SGMS1: variants seen among roughly 807,000 people sequenced by gnomAD.
The protein encoded by SGMS1 is sphingomyelin synthase 1, also known as phosphatidylcholine:ceramide cholinephosphotransferase 1.
SGMS1 carries 13 observed loss-of-function variants against 46.2 expected under a neutral mutation model. The ratio of observed to expected loss-of-function variants is 0.28; its 90% CI spans 0.18 to 0.45. SGMS1 has a LOEUF of 0.45. Ranked by LOEUF, SGMS1 falls within the 20% of genes least tolerant of loss-of-function variation. SGMS1 has a pLI of 1.00. For missense variants in SGMS1, 324 were observed against 519.9 expected, an observed-to-expected ratio of 0.62 and a Z score of 3.66; for synonymous variants, 203 against 187.8, an observed-to-expected ratio of 1.08 and a Z score of -0.66.
chr10:50,372,672 G>A (rs1848458274), intron 6 of SGMS1, among the ~76,000 whole-genome samples: 1 of 137,632 alleles, frequency 7.3e-6, no homozygotes. Flanking sequence ...CAGCCCGGGT[G>A]ACAGAGCAAG....
Position 50,450,036 on chromosome 10 carries a change from G to A in SGMS1, c.-313+10637C>T, listed in dbSNP as rs576188583. Among the ~76,000 whole-genome samples, 3 of 152,152 alleles carry A rather than the reference G, an allele frequency of 2.0e-5. No individual in the cohort carries two copies. The South Asian group carries it at 6.2e-4, about 32-fold the overall frequency. ...GACCTTAGAATATAAAAGGCACTTA[G>A]TTAATATTATCTTTAGAGAAAAGAC... On this transcript the variant is annotated intron_variant, in intron 5 of 10. Coordinates refer to ENST00000361781, the MANE Select transcript of SGMS1 (RefSeq NM_147156.4).
At chr10:50,423,924 T>C (rs1201540233) in intron 6 of SGMS1, among the ~76,000 whole-genome samples, 3 of 152,256 alleles carry the variant, frequency 2.0e-5, no homozygotes, top group African/African-American at 7.2e-5. Context: ...GAGTACCTAC[T>C]AATGACAGCA....
chr10:50,491,420 A>C (rs530987092), intron 3 of SGMS1, among the ~76,000 whole-genome samples: 9 of 152,308 alleles, frequency 5.9e-5, no homozygotes, highest in African/African-American at 2.2e-4. Context: ...TACTCAGCAC[A>C]TTCCTCATAT....
chr10:50,624,360 T>C (rs1838893504), upstream of SGMS1, among the ~76,000 whole-genome samples: 1 of 152,126 alleles, frequency 6.6e-6, no homozygotes, highest in Non-Finnish European at 1.5e-5. Flanking sequence ...TACTGGATTC[T>C]TTTTCCCACC....
Position 50,507,909 on chromosome 10 carries a change from C to G in SGMS1, c.-498+11922G>C, listed in dbSNP as rs1374359634. On this transcript the variant is annotated intron_variant, in intron 3 of 10. Transcript: ENST00000361781. ...AGAACTTATGTTCCAACCAGGGGTT[C>G]CAAGCCAGTGGCTCCTCTGGTTACA... Among the ~76,000 whole-genome samples, 4 of 152,198 alleles carry G rather than the reference C, an allele frequency of 2.6e-5. No homozygotes were observed. In the East Asian group the frequency reaches 7.7e-4, roughly 29 times the overall value.
At chr10:50,521,272 A>G (rs11006012) in intron 2 of SGMS1, among the ~76,000 whole-genome samples, 18,119 of 152,202 alleles carry the variant, frequency 0.12, 1,185 homozygotes, top group Middle Eastern at 0.21. Flanking sequence ...TTCACTTATT[A>G]TCAACATTTA....
intron 2 of SGMS1, among the ~76,000 whole-genome samples, chr10:50,587,572 C>T (rs563929575): frequency 6.6e-6 from 1 of 150,784 alleles, no homozygotes; most frequent in African/African-American, 2.4e-5. Context: ...TGCAGTGAGC[C>T]GAGATCGTGC....
intron 1 of SGMS1, among the ~76,000 whole-genome samples, chr10:50,617,334 T>C (rs773810430): frequency 3.9e-4 from 60 of 152,300 alleles, no homozygotes; most frequent in Non-Finnish European, 5.0e-4. Flanking sequence ...GGTACTATAC[T>C]GTATGGTCCA....
At chr10:50,314,151 G>A (rs1847302158) in intron 8 of SGMS1, among the ~76,000 whole-genome samples, 1 of 152,022 alleles carries the variant, frequency 6.6e-6, no homozygotes, top group South Asian at 2.1e-4. Context: ...TGACCACATA[G>A]AGGCATAAAT....
chr10:50,613,860 T>C (rs1225919358), intron 1 of SGMS1, among the ~76,000 whole-genome samples: 1 of 152,250 alleles, frequency 6.6e-6, no homozygotes, highest in Non-Finnish European at 1.5e-5. Context: ...CTATTCATAC[T>C]TCTTGAGAGC....
intron 7 of SGMS1, among the ~76,000 whole-genome samples, chr10:50,337,926 A>G (rs1226826092): frequency 1.3e-5 from 2 of 152,012 alleles, no homozygotes; most frequent in Non-Finnish European, 2.9e-5. Context: ...TGAAATACAG[A>G]ATGTTAGTAA....
chr10:50,422,171 C>G (rs554395792), intron 6 of SGMS1, among the ~76,000 whole-genome samples: 1 of 152,106 alleles, frequency 6.6e-6, no homozygotes, highest in Non-Finnish European at 1.5e-5. Flanking sequence ...GATCCCTGAC[C>G]TTTCACTCTC....
chr10:50,584,300 C>T (rs776498148), intron 2 of SGMS1, among the ~76,000 whole-genome samples: 1 of 152,032 alleles, frequency 6.6e-6, no homozygotes, highest in Non-Finnish European at 1.5e-5. Context: ...GAGTTCAAGA[C>T]CAGCCTGGCC....
intron 2 of SGMS1, among the ~76,000 whole-genome samples, chr10:50,586,260 T>C (rs1322427851): frequency 6.6e-6 from 1 of 152,210 alleles, no homozygotes; most frequent in Non-Finnish European, 1.5e-5. Flanking sequence ...GTTTGTTGGG[T>C]TGATATTTGG....
intron 3 of SGMS1, among the ~76,000 whole-genome samples, chr10:50,508,013 G>A (rs1279676185): frequency 1.3e-5 from 2 of 152,104 alleles, no homozygotes; most frequent in Non-Finnish European, 2.9e-5. Flanking sequence ...CAATTCATGG[G>A]ATCTGCTAAA....
intron 2 of SGMS1, among the ~76,000 whole-genome samples, chr10:50,538,178 G>T (rs1288227630): frequency 1.5e-5 from 2 of 135,062 alleles, no homozygotes; most frequent in African/African-American, 5.3e-5. Context: ...CTTATCAGGG[G>T]TGGGTGGGTG....
At chr10:50,624,969 G>A (rs976663060), upstream of SGMS1, 3 of 1,036,466 alleles carry the variant, frequency 2.9e-6, no homozygotes, top group African/African-American at 3.5e-5. Context: ...CCCGGCCATC[G>A]GGCCGCGGGC....
At chr10:50,616,838 A>G (rs1051650819) in intron 1 of SGMS1, among the ~76,000 whole-genome samples, 4 of 152,228 alleles carry the variant, frequency 2.6e-5, no homozygotes, top group African/African-American at 9.6e-5. Context: ...AATGATGACC[A>G]TGTTCACGGA....
intron 5 of SGMS1, among the ~76,000 whole-genome samples, chr10:50,436,792 T>A (rs1210576338): frequency 8.4e-6 from 1 of 119,072 alleles, no homozygotes; most frequent in East Asian, 2.2e-4. Flanking sequence ...TGGGAAAAGT[T>A]CCTGTGGCCA....
Sources: allele counts gnomAD v4.1 joint callset (sites outside exome capture counted in the v4.1 genomes callset), GRCh38; gene constraint gnomAD v4.1.1; transcripts MANE v1.5; gene names NCBI Gene and HGNC (gene_info 2026-07-23, HGNC 2026-07-21).